The following RHOQ variants were observed in gnomAD, a reference collection of about 807,000 sequenced individuals.
RHOQ encodes ras homolog family member Q.
Under a neutral mutation model 25.8 loss-of-function variants are expected in RHOQ, and 7 were observed. That is an observed-to-expected ratio of 0.27 (90% CI 0.15 to 0.51). The LOEUF (loss-of-function observed/expected upper bound fraction) is 0.51. RHOQ is among the 20% of genes least tolerant of loss of function. The pLI is 0.97. For synonymous variants in RHOQ, 97 were observed against 98.6 expected (o/e 0.98, Z 0.10); for missense variants, 165 against 260.6 (o/e 0.63, Z 2.53).
In RHOQ at chr2:46,581,031, C is replaced by G; in HGVS notation, c.566C>G (p.Thr189Ser). The G allele has an allele frequency of 6.3e-7, 1 of 1,584,968 alleles. No homozygotes were observed. ...IIAILTPKKH[T>S]VKKRIGSRCI... ...GCCATTTTAACTCCAAAGAAACACA[C>G]TGTAAAAAAAAGAATAGGATCAAGA... Residue 189 changes from threonine to serine, a missense_variant, in exon 5 of 5, where the codon ACT (threonine) becomes AGT (serine). Coordinates refer to ENST00000238738, the MANE Select transcript of RHOQ (RefSeq NM_012249.4).
At chr2:46,580,805 G>A (rs1168994439) in intron 4 of RHOQ, 123 bp from the exon 5 acceptor site, 9 of 661,292 alleles carry the variant, frequency 1.4e-5, no homozygotes, top group Non-Finnish European at 2.1e-5. Context: ...TATGAACATG[G>A]ATGATGAATG....
chr2:46,576,723 T>C lies in RHOQ; in HGVS notation c.462+67T>C. ...TGCTAAGATAACAATAGAAGCTAAT[T>C]TTATTGTGTATTTACTGTGTGCCAG... On this transcript the variant is annotated intron_variant, in intron 4 of 4. Coordinates refer to ENST00000238738, the MANE Select transcript of RHOQ (RefSeq NM_012249.4). The surrounding 1 kb of genome is among the most constrained non-coding windows in gnomAD (Gnocchi z 5.1). The C allele has an allele frequency of 9.0e-7, 1 of 1,112,496 alleles. No homozygotes were observed. The allele number at this position is 1,112,496 out of a possible 1,614,324, so 68.9% of individuals were successfully genotyped here. A position where few individuals can be genotyped will look rare whatever the true frequency, so the allele number is the denominator to read the frequency against.
chr2:46,578,917 TATATAG>T, intron 4 of RHOQ, among the ~76,000 whole-genome samples: 1 of 152,262 alleles, frequency 6.6e-6, no homozygotes. Flanking sequence ...TGTATATGTA[TATATAG>T]AGAGAAAATA....
intron 2 of RHOQ, among the ~76,000 whole-genome samples, chr2:46,546,476 G>A (rs7573602): frequency 0.25 from 3,094 of 12,486 alleles, 269 homozygotes; most frequent in Non-Finnish European, 0.35. Context: ...ATATATATGT[G>A]TATATATATA....
At chr2:46,546,352 T>A (rs1351701551) in intron 2 of RHOQ, among the ~76,000 whole-genome samples, 2 of 150,274 alleles carry the variant, frequency 1.3e-5, no homozygotes, top group Admixed American at 1.3e-4. Flanking sequence ...ATCAGATTTG[T>A]CTTACAATAA....
At chr2:46,547,441 A>AAG (rs1415076002) in intron 2 of RHOQ, among the ~76,000 whole-genome samples, 1 of 152,208 alleles carries the variant, frequency 6.6e-6, no homozygotes, top group East Asian at 1.9e-4. Context: ...TTAGCAGACA[A>AAG]AGAGAGAGAA....
At chr2:46,554,309 G>GA (rs1294899252) in intron 2 of RHOQ, among the ~76,000 whole-genome samples, 3 of 151,834 alleles carry the variant, frequency 2.0e-5, no homozygotes, top group South Asian at 2.1e-4. Flanking sequence ...GCTATCAGGA[G>GA]AAAAAAAATG....
In RHOQ at chr2:46,583,668, G is replaced by A. The variant is rs1162405376; in HGVS notation, c.*2585G>A. Among the ~76,000 whole-genome samples the A allele has an allele frequency of 6.6e-6, 1 of 152,102 alleles. No homozygotes were observed. ...TTGATAAGCAGACTAGAGAAAAACT[G>A]CCTTATTTTCAGAAGCATGTCTTCA... On this transcript the variant is annotated 3_prime_UTR_variant, in exon 5 of 5. Coordinates refer to ENST00000238738, the MANE Select transcript of RHOQ (RefSeq NM_012249.4).
Position 46,576,403 on chromosome 2 carries a change from A to C in RHOQ, c.366+152A>C, listed in dbSNP as rs1669129689. 4 of 947,166 alleles carry C rather than the reference A, an allele frequency of 4.2e-6. No individual in the cohort carries two copies. The African/African-American group carries it at 6.7e-5, about 16-fold the overall frequency. The allele number at this position is 947,166 out of a possible 1,614,324, so 58.7% of individuals were successfully genotyped here. A position where few individuals can be genotyped will look rare whatever the true frequency, so the allele number is the denominator to read the frequency against. ...GAGTTCTATCATATTTTTGGAAAAA[A>C]TTGTGCCAAAAGAAAGCAATTATTT... On this transcript the variant is annotated intron_variant, in intron 3 of 4. Transcript: ENST00000238738. The surrounding 1 kb of genome is among the most constrained non-coding windows in gnomAD (Gnocchi z 5.1).
intron 2 of RHOQ, among the ~76,000 whole-genome samples, chr2:46,545,253 G>A (rs1010017812): frequency 2.0e-5 from 3 of 152,178 alleles, no homozygotes; most frequent in African/African-American, 7.2e-5. Flanking sequence ...AATCAACTAA[G>A]ACTGACTTTT....
chr2:46,582,772 G>A lies in RHOQ; in HGVS notation c.*1689G>A, dbSNP rs1196875539. On this transcript the variant is annotated 3_prime_UTR_variant, in exon 5 of 5. Transcript: ENST00000238738. The stretch of plus-strand genomic sequence containing the variant: ...ATGCTCATATCAGTCACAAATCTAG[G>A]ATGTACTGTCTTGTTGTATGTGAGC... The A allele has an allele frequency of 2.6e-5, 4 of 152,512 alleles. No homozygotes were observed. The highest frequency in any genetic ancestry group is 9.7e-5 in the African/African-American group (4 of 41,430). 9.4% of individuals were successfully genotyped at this position (152,512 alleles called of 1,614,324 possible).
chr2:46,573,137 C>T (rs1668991220), intron 2 of RHOQ, among the ~76,000 whole-genome samples: 1 of 151,012 alleles, frequency 6.6e-6, no homozygotes. Context: ...AATCTCTGCT[C>T]ACTGCAGCCT....
Position 46,582,102 on chromosome 2 carries a change from T to C in RHOQ, c.*1019T>C, listed in dbSNP as rs11306. 23,496 of 154,166 alleles carry C rather than the reference T, an allele frequency of 0.15. 2,700 individuals are homozygous for C. Among genetic ancestry groups the C allele is most frequent in the African/African-American group, 0.32 (13,426 of 41,382 alleles). The allele number at this position is 154,166 out of a possible 1,614,324, so 9.5% of individuals were successfully genotyped here. On this transcript the variant is annotated 3_prime_UTR_variant, in exon 5 of 5. Coordinates refer to ENST00000238738, the MANE Select transcript of RHOQ (RefSeq NM_012249.4). ...TGCTTCCACCTTTCAGATATAGATG[T>C]TGGAACCACAGCAGAAGTTATAGAG...
In RHOQ at chr2:46,555,842, C is replaced by T. The variant is rs572567553; in HGVS notation, c.201+12030C>T. 9.9e-4 allele frequency among the ~76,000 whole-genome samples: 150 copies of T among 152,232 alleles called. No homozygotes were observed. Among genetic ancestry groups the T allele is most frequent in the African/African-American group, 3.4e-3 (142 of 41,522 alleles). Reference sequence around the variant, plus strand: ...CTCACTTGTGTCTTGACTGGGAGACCGGAATGCCTCCTGTTGTCTGAACAA... The same window carrying T: ...CTCACTTGTGTCTTGACTGGGAGACTGGAATGCCTCCTGTTGTCTGAACAA... On this transcript the variant is annotated intron_variant, in intron 2 of 4. Coordinates refer to ENST00000238738, the MANE Select transcript of RHOQ (RefSeq NM_012249.4). The surrounding 1 kb of genome is among the most constrained non-coding windows in gnomAD (Gnocchi z 4.3).
At chr2:46,567,093 A>C (rs2104012384) in intron 2 of RHOQ, among the ~76,000 whole-genome samples, 1 of 152,350 alleles carries the variant, frequency 6.6e-6, no homozygotes, top group South Asian at 2.1e-4. Flanking sequence ...ATGTAATTTT[A>C]AATCAGTATA....
intron 1 of RHOQ, chr2:46,543,553 C>CGG (rs1667919146): frequency 3.3e-6 from 2 of 612,442 alleles, no homozygotes; most frequent in Non-Finnish European, 5.9e-6. Flanking sequence ...AGGGGGTGGA[C>CGG]GGCTGGGGAC....
chr2:46,582,292 GAAA>G lies in RHOQ; in HGVS notation c.*1215_*1217del, dbSNP rs1157319785. ...GAAAGGCTCTGCTTGAAAAAAAAAA[GAAA>G]AAAAAGTTGGAGGAAAATTTTCATG... On this transcript the variant is annotated 3_prime_UTR_variant, in exon 5 of 5. Coordinates refer to ENST00000238738, the MANE Select transcript of RHOQ (RefSeq NM_012249.4). The G allele has an allele frequency of 6.6e-6, 1 of 150,446 alleles. No individual in the cohort carries two copies. Among genetic ancestry groups the G allele is most frequent in the South Asian group, 2.1e-4 (1 of 4,742 alleles). The allele number at this position is 150,446 out of a possible 1,614,324, so 9.3% of individuals were successfully genotyped here. A position where few individuals can be genotyped will look rare whatever the true frequency, so the allele number is the denominator to read the frequency against.
At position 46,560,667 on chromosome 2, in the gene RHOQ, C is replaced by T. The variant is rs559535552; in HGVS notation, c.202-15420C>T. The T allele has an allele frequency of 2.7e-3, 1,221 of 455,558 alleles. 17 individuals carry two copies. The highest frequency in any genetic ancestry group is 0.018 in the South Asian group (1,157 of 64,530). The allele number at this position is 455,558 out of a possible 1,614,324, so 28.2% of individuals were successfully genotyped here. ...TGTTGTGTCCACTAGCTCCAGCATCCGCTGTCTTACTGTTGGACAGAGGTA... is the reference window on the plus strand; with the variant it reads ...TGTTGTGTCCACTAGCTCCAGCATCTGCTGTCTTACTGTTGGACAGAGGTA... On this transcript the variant is annotated intron_variant, in intron 2 of 4. Coordinates refer to ENST00000238738, the MANE Select transcript of RHOQ (RefSeq NM_012249.4).
Position 46,556,808 on chromosome 2 carries a change from T to G in RHOQ, c.201+12996T>G, listed in dbSNP as rs1469500925. ...AAAGGTGCCCAACTACCCGGCTGTT[T>G]GACCTGAGCTTCCCAGATAGGCAAG... On this transcript the variant is annotated intron_variant, in intron 2 of 4. Coordinates refer to ENST00000238738, the MANE Select transcript of RHOQ (RefSeq NM_012249.4). The surrounding 1 kb of genome is among the most constrained non-coding windows in gnomAD (Gnocchi z 4.9). Among the ~76,000 whole-genome samples, 1 of 152,150 alleles carries G rather than the reference T, an allele frequency of 6.6e-6. No homozygotes were observed. Among genetic ancestry groups the G allele is most frequent in the Non-Finnish European group, 1.5e-5 (1 of 68,024 alleles).
Sources: gnomAD v4.1 joint callset for allele counts (sites outside exome capture counted in the v4.1 genomes callset) on GRCh38, gnomAD v4.1.1 for gene constraint, Gnocchi (gnomAD v3.1) non-coding constraint, MANE v1.5 for transcripts, NCBI Gene and HGNC (gene_info 2026-07-23, HGNC 2026-07-21) for gene names.